Variants in CACNA2D3 observed in about 807,000 individuals in gnomAD.
CACNA2D3 encodes calcium voltage-gated channel auxiliary subunit alpha2delta 3.
In CACNA2D3, 60 loss-of-function variants were observed where a neutral mutation model predicts 160.6. The ratio of observed to expected loss-of-function variants is 0.37; its 90% CI spans 0.30 to 0.46. The LOEUF (loss-of-function observed/expected upper bound fraction) is 0.46. CACNA2D3 is among the 20% of genes least tolerant of loss of function. The pLI, the probability that CACNA2D3 is intolerant of heterozygous loss-of-function variation, is 1.00. For synonymous variants in CACNA2D3, 558 were observed against 492.9 expected (o/e 1.13, Z -1.75); for missense variants, 1,205 against 1,365.0 (o/e 0.88, Z 1.85).
At chr3:54,208,043 T>C (rs1235009396) in intron 2 of CACNA2D3, among the ~76,000 whole-genome samples, 1 of 152,182 alleles carries the variant, frequency 6.6e-6, no homozygotes, top group African/African-American at 2.4e-5. Context: ...TTTCTTACTT[T>C]TCTAAAATGG....
intron 11 of CACNA2D3, among the ~76,000 whole-genome samples, chr3:54,721,470 T>C (rs1701167785): frequency 6.6e-6 from 1 of 152,114 alleles, no homozygotes; most frequent in African/African-American, 2.4e-5. Flanking sequence ...TTTAAAGATA[T>C]GTTCTGTTGA....
intron 27 of CACNA2D3, among the ~76,000 whole-genome samples, chr3:54,960,937 G>A (rs1167282328): frequency 2.0e-5 from 3 of 152,168 alleles, no homozygotes; most frequent in African/African-American, 7.2e-5. Context: ...ATGTAAAGAA[G>A]GTTGGAGTTA....
chr3:54,505,670 A>G (rs1307164244), intron 5 of CACNA2D3, among the ~76,000 whole-genome samples: 5 of 152,236 alleles, frequency 3.3e-5, no homozygotes, highest in Non-Finnish European at 7.3e-5. Context: ...AAGATGAAAA[A>G]TTAACATGAT....
intron 11 of CACNA2D3, among the ~76,000 whole-genome samples, chr3:54,709,196 G>A (rs1700910894): frequency 6.6e-6 from 1 of 151,452 alleles, no homozygotes; most frequent in African/African-American, 2.4e-5. Flanking sequence ...TGTATTTTTA[G>A]TAGAGATGGA....
At chr3:54,827,375 G>A (rs963692179) in intron 14 of CACNA2D3, among the ~76,000 whole-genome samples, 2 of 152,248 alleles carry the variant, frequency 1.3e-5, no homozygotes, top group South Asian at 2.1e-4. Flanking sequence ...GCGTGTGGAT[G>A]GATAGACAGA....
chr3:54,823,140 C>A (rs1559596015), intron 14 of CACNA2D3, among the ~76,000 whole-genome samples: 1 of 151,938 alleles, frequency 6.6e-6, no homozygotes, highest in Non-Finnish European at 1.5e-5. Context: ...CAGGTATGAG[C>A]CACCATGCCC....
At chr3:54,357,264 A>G (rs1301068411) in intron 3 of CACNA2D3, among the ~76,000 whole-genome samples, 1 of 152,230 alleles carries the variant, frequency 6.6e-6, no homozygotes, top group African/African-American at 2.4e-5. Flanking sequence ...TTAGCTCTGT[A>G]CAAACTTAGA....
intron 2 of CACNA2D3, among the ~76,000 whole-genome samples, chr3:54,188,855 A>G (rs1408100835): frequency 1.3e-5 from 2 of 152,218 alleles, no homozygotes; most frequent in Non-Finnish European, 2.9e-5. Context: ...TGTGGAATAT[A>G]GAGCGTCACT....
intron 17 of CACNA2D3, among the ~76,000 whole-genome samples, chr3:54,847,052 T>G (rs2106775627): frequency 6.6e-6 from 1 of 152,356 alleles, no homozygotes; most frequent in Non-Finnish European, 1.5e-5. Context: ...TGTAAACCAC[T>G]TTCTTTCTCT....
chr3:54,370,684 T>C (rs1051363289), intron 3 of CACNA2D3, among the ~76,000 whole-genome samples: 6 of 152,180 alleles, frequency 3.9e-5, no homozygotes, highest in Non-Finnish European at 8.8e-5. Flanking sequence ...CTAGAGACAC[T>C]TTTTTGGTAA....
At chr3:54,641,560 G>T (rs563130531) in intron 10 of CACNA2D3, among the ~76,000 whole-genome samples, 1 of 152,216 alleles carries the variant, frequency 6.6e-6, no homozygotes, top group Non-Finnish European at 1.5e-5. Flanking sequence ...AAATTCTCTA[G>T]CGAATGCAAA....
intron 2 of CACNA2D3, among the ~76,000 whole-genome samples, chr3:54,137,941 C>G (rs1441192797): frequency 6.6e-6 from 1 of 152,220 alleles, no homozygotes; most frequent in East Asian, 1.9e-4. Flanking sequence ...CAGCATTGAT[C>G]TTTGAGACCT....
chr3:54,286,463 T>C (rs1703029806), intron 2 of CACNA2D3, among the ~76,000 whole-genome samples: 1 of 152,234 alleles, frequency 6.6e-6, no homozygotes, highest in South Asian at 2.1e-4. Context: ...ATGGTGTACC[T>C]GATAGTGATG....
chr3:54,736,124 TATATATGTATATATATAC>T (rs1559563822), intron 11 of CACNA2D3, among the ~76,000 whole-genome samples: 17,219 of 87,662 alleles, frequency 0.2, 4,741 homozygotes, highest in South Asian at 0.27. Flanking sequence ...TATATACATA[TATATATGTATATATATAC>T]ACACACACAC....
rs1050787579 is a variant in CACNA2D3, at chr3:54,554,144, G to A, written c.545-8656G>A. ...GCATTTGGGAGCTGGTGCCATCTCA[G>A]CATTCAGGTCATCTATATGACCTCT... On this transcript the variant is annotated intron_variant, in intron 5 of 37. Coordinates refer to ENST00000474759, the MANE Select transcript of CACNA2D3 (RefSeq NM_018398.3). 2.7e-5 allele frequency among the ~76,000 whole-genome samples: 4 copies of A among 150,654 alleles called. No homozygotes were observed. The East Asian group carries it at 7.8e-4, about 29-fold the overall frequency.
intron 3 of CACNA2D3, among the ~76,000 whole-genome samples, chr3:54,350,968 G>GTGTTTTTTTTTTTTTTTTT (rs1698542910): frequency 1.8e-5 from 1 of 56,106 alleles, no homozygotes; most frequent in Non-Finnish European, 3.5e-5. Flanking sequence ...TCTTGAGTCT[G>GTGTTTTTTTTTTTTTTTTT]TTTTTTTTTT....
At chr3:54,890,321 G>C (rs925315534) in intron 24 of CACNA2D3, among the ~76,000 whole-genome samples, 1 of 151,778 alleles carries the variant, frequency 6.6e-6, no homozygotes, top group South Asian at 2.1e-4. Flanking sequence ...ACAGTGAAAC[G>C]CTGTCTCTAC....
chr3:54,569,894 G>A (rs183970474), intron 7 of CACNA2D3, 39 bp downstream of exon 7: 1 of 1,612,240 alleles, frequency 6.2e-7, no homozygotes, highest in Non-Finnish European at 8.5e-7. Context: ...TTCTCAAAGA[G>A]ATATCTTGAA....
At chr3:55,054,815 C>T (rs561959598) in intron 35 of CACNA2D3, among the ~76,000 whole-genome samples, 60 of 151,964 alleles carry the variant, frequency 3.9e-4, no homozygotes, top group African/African-American at 1.4e-3. Flanking sequence ...CTGTTATATT[C>T]TTCTAGAGAA....
Sources: gnomAD v4.1 joint callset for allele counts (sites outside exome capture counted in the v4.1 genomes callset) on GRCh38, gnomAD v4.1.1 for gene constraint, MANE v1.5 for transcripts, NCBI Gene and HGNC (gene_info 2026-07-23, HGNC 2026-07-21) for gene names.